The following ARHGEF16 variants were observed in gnomAD, a reference collection of about 807,000 sequenced individuals.
The protein encoded by ARHGEF16 is Rho guanine exchange factor (GEF) 16.
In ARHGEF16, 59 loss-of-function variants were observed where a neutral mutation model predicts 74.1. That is an observed-to-expected ratio of 0.80 (90% confidence interval 0.65 to 0.99). The LOEUF (loss-of-function observed/expected upper bound fraction) is 0.99, where lower values mean the gene tolerates loss of function less well. Ranked by LOEUF, ARHGEF16 falls within the 50% of genes least tolerant of loss-of-function variation. The pLI is 0.00. For synonymous variants in ARHGEF16, 415 were observed against 412.6 expected, an observed-to-expected ratio of 1.01 and a Z score of -0.07; for missense variants, 948 against 986.6, an observed-to-expected ratio of 0.96 and a Z score of 0.52.
Position 3,479,426 on chromosome 1 carries a change from ACGG to A in ARHGEF16, c.1815-89_1815-87del, listed in dbSNP as rs574328454. The A allele has an allele frequency of 1.8e-3, 2,560 of 1,388,698 alleles. 6 individuals are homozygous for A. The highest frequency in any genetic ancestry group is 2.3e-3 in the Non-Finnish European group (2,324 of 998,916). The allele number at this position is 1,388,698 out of a possible 1,614,324, so 86.0% of individuals were successfully genotyped here. A position where few individuals can be genotyped will look rare whatever the true frequency, so the allele number is the denominator to read the frequency against. On this transcript the variant is annotated intron_variant, in intron 12 of 14. Coordinates refer to ENST00000378378, the MANE Select transcript of ARHGEF16 (RefSeq NM_014448.4). ...CCCCCACCACCCCCATCTCCTTGCC[ACGG>A]CCCCCATGGGTGGCTGTCAGAAGTC...
At chr1:3,469,378 G>C (rs1354600364) in intron 5 of ARHGEF16, 55 bp from the exon 6 acceptor site, 14 of 1,596,510 alleles carry the variant, frequency 8.8e-6, no homozygotes, top group Non-Finnish European at 2.6e-6. Context: ...ATTGGTCACC[G>C]AGGCACGCCC....
intron 1 of ARHGEF16, among the ~76,000 whole-genome samples, chr1:3,457,189 C>T (rs1042679661): frequency 6.6e-5 from 10 of 152,252 alleles, no homozygotes; most frequent in Non-Finnish European, 1.2e-4. Context: ...GTCCTCCCCC[C>T]GATTATGTGA....
In ARHGEF16 at chr1:3,473,521, A is replaced by AG; in HGVS notation, c.1304_1305insG (p.Asp435GlufsTer132). ...GTGACCCGGCTGCCCCTCCTGATGGATGTAAGTCCACGGCCTGAGGGTGGG... is the reference window on the plus strand; with the variant it reads ...GTGACCCGGCTGCCCCTCCTGATGGAGTGTAAGTCCACGGCCTGAGGGTGGG... On this transcript the variant is annotated frameshift_variant and splice_region_variant, in exon 8 of 15. Transcript: ENST00000378378. LOFTEE classifies it high-confidence loss of function. 6.2e-7 allele frequency: 1 copy of AG among 1,607,478 alleles called. No homozygotes were observed.
In ARHGEF16 at chr1:3,480,764, G is replaced by A. The variant is rs559336069; in HGVS notation, c.*177G>A. 6 of 919,180 alleles carry A rather than the reference G, an allele frequency of 6.5e-6. No homozygotes were observed. Among genetic ancestry groups the A allele is most frequent in the East Asian group, 5.4e-5 (2 of 36,778 alleles). 56.9% of individuals were successfully genotyped at this position (919,180 alleles called of 1,614,324 possible). On this transcript the variant is annotated 3_prime_UTR_variant, in exon 15 of 15. Transcript: ENST00000378378. ...ACACTTCACGGAAGGAAGATCACAT[G>A]TCCCCAGAGAGGCACCCCCAGGCAA...
In ARHGEF16 at chr1:3,478,578, C is replaced by T. The variant is rs1446846571; in HGVS notation, c.1780C>T (p.Arg594Cys). 9.9e-6 allele frequency: 16 copies of T among 1,612,086 alleles called. No homozygotes were observed. The highest frequency in any genetic ancestry group is 5.5e-5 in the South Asian group (5 of 90,992). Reference sequence around the variant, plus strand: ...GACCCTGCTTCGCAACAGCGAGGGCCGCCAGGAGCAGCTCCTGCTCTCCTC... The same window carrying T: ...GACCCTGCTTCGCAACAGCGAGGGCTGCCAGGAGCAGCTCCTGCTCTCCTC... Reference protein sequence around the residue: ...QVTLLRNSEGRQEQLLLSSDS... With the variant: ...QVTLLRNSEGCQEQLLLSSDS... The change falls in exon 12 of 15, where the codon CGC becomes TGC. Residue 594 changes from arginine to cysteine, a missense_variant. Transcript: ENST00000378378.
At chr1:3,478,717 A>ACGCCCACC (rs1245313729) in intron 12 of ARHGEF16, 105 bp downstream of exon 12, 2 of 1,309,398 alleles carry the variant, frequency 1.5e-6, no homozygotes, top group African/African-American at 3.0e-5. Flanking sequence ...CTGGCTCTGA[A>ACGCCCACC]CGCCCACCGT....
intron 1 of ARHGEF16, among the ~76,000 whole-genome samples, chr1:3,458,345 G>A (rs1328028782): frequency 6.6e-6 from 1 of 152,234 alleles, no homozygotes; most frequent in East Asian, 1.9e-4. Context: ...TGGCCCACGT[G>A]GCTGCTGCAG....
At position 3,477,855 on chromosome 1, in the gene ARHGEF16, T is replaced by G. The variant is rs745836346; in HGVS notation, c.1474-20T>G. 2 of 1,598,812 alleles carry G rather than the reference T, an allele frequency of 1.3e-6. No individual in the cohort carries two copies. The highest frequency in any genetic ancestry group is 1.7e-6 in the Non-Finnish European group (2 of 1,170,060). On this transcript the variant is annotated intron_variant, in intron 10 of 14. Transcript: ENST00000378378. The stretch of plus-strand genomic sequence containing the variant: ...CCAGTCCCTCGCACTGATCTCCGCC[T>G]CCCGGCTCTGTCCCCCCAGTCCCTC...
intron 1 of ARHGEF16, among the ~76,000 whole-genome samples, chr1:3,457,805 C>T (rs1347616992): frequency 6.6e-6 from 1 of 152,212 alleles, no homozygotes; most frequent in East Asian, 1.9e-4. Flanking sequence ...ACGCCTCCTC[C>T]TGGCAAGTCC....
At chr1:3,470,339 C>G (rs1392828785) in intron 6 of ARHGEF16, among the ~76,000 whole-genome samples, 1 of 141,106 alleles carries the variant, frequency 7.1e-6, no homozygotes, top group Admixed American at 7.0e-5. Context: ...TGTGTGTGGA[C>G]AGGGTTGTGT....
chr1:3,473,405 C>G lies in ARHGEF16; in HGVS notation c.1188C>G (p.Ala396=). ...TGTCCTCTTGCAGAAGCAGCAACGCCGCCTTCCGAGAGGCCCTGAGAGAGA... is the reference window on the plus strand; with the variant it reads ...TGTCCTCTTGCAGAAGCAGCAACGCGGCCTTCCGAGAGGCCCTGAGAGAGA... ...RTLQKLISSN[A]AFREALREIE... The change falls in exon 8 of 15, where the codon GCC becomes GCG. Residue 396 remains alanine (A), a synonymous_variant. Transcript: ENST00000378378. The G allele has an allele frequency of 6.2e-7, 1 of 1,608,284 alleles. No individual in the cohort carries two copies. Among genetic ancestry groups the G allele is most frequent in the Non-Finnish European group, 8.5e-7 (1 of 1,176,984 alleles).
intron 1 of ARHGEF16, 113 bp from the exon 2 acceptor site, chr1:3,462,953 C>T: frequency 1.4e-6 from 1 of 700,046 alleles, no homozygotes; most frequent in Non-Finnish European, 2.2e-6. Flanking sequence ...CTGCTGTGTC[C>T]TGGGAGCTGT....
intron 6 of ARHGEF16, among the ~76,000 whole-genome samples, chr1:3,471,373 CT>C (rs1639717573): frequency 6.6e-6 from 1 of 152,074 alleles, no homozygotes; most frequent in African/African-American, 2.4e-5. Context: ...AGCCCCGCCC[CT>C]GGCGAGTCCC....
intron 4 of ARHGEF16, among the ~76,000 whole-genome samples, chr1:3,468,169 G>T (rs912678932): frequency 1.3e-5 from 2 of 152,200 alleles, no homozygotes; most frequent in African/African-American, 2.4e-5. Flanking sequence ...GTCCAGTACC[G>T]CACCCTGGTA....
Position 3,473,520 on chromosome 1 carries a change from G to A in ARHGEF16, c.1303G>A (p.Asp435Asn). ...QRVTRLPLLM[D>N]TLCLKTQGHS... ...GGTGACCCGGCTGCCCCTCCTGATG[G>A]ATGTAAGTCCACGGCCTGAGGGTGG... The change falls in exon 8 of 15, where the codon GAT becomes AAT. Residue 435 changes from aspartate (D) to asparagine (N), a missense_variant and splice_region_variant. Asp to Asn is a conservative substitution (Grantham distance 23). Transcript: ENST00000378378. The A allele has an allele frequency of 6.2e-7, 1 of 1,607,910 alleles. No individual in the cohort carries two copies. The highest frequency in any genetic ancestry group is 8.5e-7 in the Non-Finnish European group (1 of 1,179,976).
At chr1:3,478,061 C>T (rs200587206) in intron 11 of ARHGEF16, 35 bp downstream of exon 11, 107 of 1,611,982 alleles carry the variant, frequency 6.6e-5, no homozygotes, top group Non-Finnish European at 1.4e-5. Flanking sequence ...GGGAGCCCCA[C>T]TCCATGGACA....
chr1:3,468,963 GT>G (rs773064337), intron 5 of ARHGEF16, 27 bp downstream of exon 5: 2 of 1,549,040 alleles, frequency 1.3e-6, no homozygotes, highest in East Asian at 4.9e-5. Flanking sequence ...CGGGAGGGCT[GT>G]CCCCCATGGC....
At chr1:3,467,718 C>T (rs1241055739) in intron 4 of ARHGEF16, among the ~76,000 whole-genome samples, 2 of 152,126 alleles carry the variant, frequency 1.3e-5, no homozygotes, top group Non-Finnish European at 2.9e-5. Context: ...GGGCCAGGGC[C>T]AAGACACTCC....
rs186944425 is a variant in ARHGEF16 at position 3,469,524 on chromosome 1, C to T, written c.953C>T (p.Ala318Val). ...TTCCTGCAGTCCAAGGAGCTGCGGG[C>T]GACCGTGACCCAGATGGAGCACCAC... ...EEFLQSKELR[A>V]TVTQMEHHHL... Residue 318 changes from alanine (A) to valine (V), a missense_variant, in exon 6 of 15, where the codon GCG (alanine) becomes GTG (valine). Transcript: ENST00000378378. 89 of 1,613,172 alleles carry T rather than the reference C, an allele frequency of 5.5e-5. No individual in the cohort carries two copies. The highest frequency in any genetic ancestry group is 6.9e-5 in the Non-Finnish European group (82 of 1,179,986).
Sources: gnomAD v4.1 joint callset for allele counts (sites outside exome capture counted in the v4.1 genomes callset) on GRCh38, gnomAD v4.1.1 for gene constraint, MANE v1.5 for transcripts, NCBI Gene and HGNC (gene_info 2026-07-23, HGNC 2026-07-21) for gene names.